The following FARP1 variants were observed in gnomAD, a reference collection of about 807,000 sequenced individuals.
FARP1 encodes the protein FERM, ARHGEF and pleckstrin domain-containing protein 1.
FARP1 carries 52 observed loss-of-function variants against 128.8 expected under a neutral mutation model. The ratio of observed to expected loss-of-function variants is 0.40; its 90% confidence interval spans 0.32 to 0.51. FARP1 has a LOEUF of 0.51. Ranked by LOEUF, FARP1 falls within the 20% of genes least tolerant of loss-of-function variation. The probability of loss-of-function intolerance (pLI) is 0.45; values close to 1 mark genes in which losing one functional copy is unlikely to be tolerated. For synonymous variants in FARP1, 580 were observed against 551.8 expected, an observed-to-expected ratio of 1.05 and a Z score of -0.72; for missense variants, 1,333 against 1,367.9, an observed-to-expected ratio of 0.97 and a Z score of 0.40.
intron 2 of FARP1, chr13:98,244,903 T>A: frequency 7.1e-7 from 1 of 1,402,782 alleles, no homozygotes; most frequent in South Asian, 1.6e-5. Flanking sequence ...CCTAAACGGG[T>A]CTCCAGGAGG....
Position 98,453,293 on chromosome 13 carries a change from T to C in FARP1, c.*4976T>C. Reference sequence around the variant, plus strand: ...ATTCATATAGTAACCAAAATCTTAGTTTTCATAAGAAATTCCAAGTCATAC... The same window carrying C: ...ATTCATATAGTAACCAAAATCTTAGCTTTCATAAGAAATTCCAAGTCATAC... On this transcript the variant is annotated 3_prime_UTR_variant, in exon 27 of 27. Transcript: ENST00000319562. The C allele has an allele frequency of 7.1e-7, 1 of 1,405,090 alleles. No individual in the cohort carries two copies. Among genetic ancestry groups the C allele is most frequent in the South Asian group, 1.3e-5 (1 of 78,838 alleles). 87.0% of individuals were successfully genotyped at this position (1,405,090 alleles called of 1,614,324 possible). A position where few individuals can be genotyped will look rare whatever the true frequency, so the allele number is the denominator to read the frequency against.
intron 2 of FARP1, among the ~76,000 whole-genome samples, chr13:98,271,866 T>A (rs561170305): frequency 1.3e-5 from 2 of 152,330 alleles, no homozygotes; most frequent in East Asian, 3.9e-4. Flanking sequence ...TCCAAATCTT[T>A]GCTATTGTAA....
At chr13:98,351,923 T>TCA (rs1242275136) in intron 3 of FARP1, among the ~76,000 whole-genome samples, 6 of 152,032 alleles carry the variant, frequency 3.9e-5, no homozygotes, top group Admixed American at 6.6e-5. Flanking sequence ...ACACTGGGAA[T>TCA]CACATTTCAA....
chr13:98,395,351 CGAG>C lies in FARP1; in HGVS notation c.1293_1295del (p.Arg432del), dbSNP rs1890483645. The C allele has an allele frequency of 2.5e-6, 4 of 1,611,652 alleles. No individual in the cohort carries two copies. Among genetic ancestry groups the C allele is most frequent in the South Asian group, 1.1e-5 (1 of 91,044 alleles). ...CCGGGGTCGCACCCGAGCCCTGCGC[CGAG>C]GAGAAGCCCCGCGGGTAACAAGCAG... is the stretch of plus-strand genomic sequence containing the variant. On this transcript the variant is annotated inframe_deletion, in exon 13 of 27. Transcript: ENST00000319562.
chr13:98,423,410 G>A lies in FARP1; in HGVS notation c.1827-1162G>A, dbSNP rs552237065. ...ACTTCCTATTAGAAGCCTAGTGCCA[G>A]TTTTGTTTGTTTGTTTGTTTGTTTG... On this transcript the variant is annotated intron_variant, in intron 16 of 26. Coordinates refer to ENST00000319562, the MANE Select transcript of FARP1 (RefSeq NM_005766.4). 5.6e-4 allele frequency among the ~76,000 whole-genome samples: 85 copies of A among 151,998 alleles called. 1 individual carries two copies. The South Asian group carries it at 9.7e-3, about 17-fold the overall frequency.
rs1320600694 is a variant in FARP1, at chr13:98,431,252, G to A, written c.2115G>A (p.Pro705=). ...AGCGGCTGTGCAAACACCACCCGCC[G>A]AGCCACGCCGACTTCAGGGACTGCC... ...VLERLCKHHP[P]SHADFRDCRA... The change falls in exon 18 of 27, where the codon CCG becomes CCA. Residue 705 remains proline (P), a synonymous_variant. Transcript: ENST00000319562. 2.5e-6 allele frequency: 4 copies of A among 1,589,264 alleles called. No homozygotes were observed. The highest frequency in any genetic ancestry group is 3.4e-6 in the Non-Finnish European group (4 of 1,168,630).
intron 4 of FARP1, 71 bp downstream of exon 4, chr13:98,365,508 T>A: frequency 8.8e-7 from 1 of 1,131,468 alleles, no homozygotes; most frequent in Non-Finnish European, 1.3e-6. Flanking sequence ...TAGACATCTC[T>A]TGCCCTGTGG....
At chr13:98,190,596 T>C (rs1879158177) in intron 1 of FARP1, among the ~76,000 whole-genome samples, 1 of 152,172 alleles carries the variant, frequency 6.6e-6, no homozygotes, top group Non-Finnish European at 1.5e-5. Flanking sequence ...AGGGTCTCGC[T>C]CTGTTACTGA....
At chr13:98,229,603 C>T (rs1239901203) in intron 2 of FARP1, among the ~76,000 whole-genome samples, 8 of 151,656 alleles carry the variant, frequency 5.3e-5, no homozygotes, top group African/African-American at 1.4e-4. Context: ...TGGGCTCAAG[C>T]GGTCCTCCCA....
intron 1 of FARP1, among the ~76,000 whole-genome samples, chr13:98,209,984 AAATAAT>A (rs199986456): frequency 6.6e-6 from 1 of 150,628 alleles, no homozygotes; most frequent in South Asian, 2.1e-4. Flanking sequence ...ATTCCATTGC[AAATAAT>A]AATAATAATC....
At chr13:98,236,033 A>G (rs1882395113) in intron 2 of FARP1, among the ~76,000 whole-genome samples, 1 of 152,144 alleles carries the variant, frequency 6.6e-6, no homozygotes, top group Non-Finnish European at 1.5e-5. Flanking sequence ...CATGTTTGTC[A>G]GGCTGGTCTC....
At chr13:98,215,929 G>A (rs759069465) in intron 2 of FARP1, among the ~76,000 whole-genome samples, 16 of 151,962 alleles carry the variant, frequency 1.1e-4, no homozygotes, top group African/African-American at 2.9e-4. Flanking sequence ...TAGCTGGTAC[G>A]ATAGGTGCCT....
At chr13:98,365,511 C>A in intron 4 of FARP1, 74 bp downstream of exon 4, 2 of 1,103,686 alleles carry the variant, frequency 1.8e-6, no homozygotes, top group South Asian at 1.5e-5. Flanking sequence ...ACATCTCTTG[C>A]CCTGTGGCAT....
At chr13:98,357,366 A>G (rs1474262019) in intron 3 of FARP1, among the ~76,000 whole-genome samples, 1 of 152,110 alleles carries the variant, frequency 6.6e-6, no homozygotes, top group Non-Finnish European at 1.5e-5. Flanking sequence ...CAGTTTTCTG[A>G]GAATGTATTG....
intron 3 of FARP1, among the ~76,000 whole-genome samples, chr13:98,356,380 G>T (rs1323163410): frequency 6.6e-6 from 1 of 152,034 alleles, no homozygotes; most frequent in Non-Finnish European, 1.5e-5. Context: ...GTAAGTATTT[G>T]TGTTTCTAAA....
Position 98,390,797 on chromosome 13 carries a change from T to G in FARP1, c.1020-15T>G. 1 of 1,603,376 alleles carries G rather than the reference T, an allele frequency of 6.2e-7. No homozygotes were observed. Among genetic ancestry groups the G allele is most frequent in the Admixed American group, 1.7e-5 (1 of 59,964 alleles). On this transcript the variant is annotated splice_polypyrimidine_tract_variant and intron_variant, in intron 10 of 26. Transcript: ENST00000319562. ...TTGGTATTTCTCCCCTTCCCTGTTG[T>G]GGTCTCTGTTTCAGTGGTCGGACTC...
intron 2 of FARP1, among the ~76,000 whole-genome samples, chr13:98,330,311 T>C (rs974054291): frequency 2.6e-5 from 4 of 151,828 alleles, no homozygotes; most frequent in African/African-American, 9.7e-5. Flanking sequence ...ACATTTTGAG[T>C]AGGGGAGTGA....
chr13:98,453,309 C>T lies in FARP1; in HGVS notation c.*4992C>T, dbSNP rs1225733980. ...AAATCTTAGTTTTCATAAGAAATTCCAAGTCATACAAAAATAAGTGGAGCA... is the reference window on the plus strand; with the variant it reads ...AAATCTTAGTTTTCATAAGAAATTCTAAGTCATACAAAAATAAGTGGAGCA... On this transcript the variant is annotated 3_prime_UTR_variant, in exon 27 of 27. Coordinates refer to ENST00000319562, the MANE Select transcript of FARP1 (RefSeq NM_005766.4). The T allele has an allele frequency of 5.1e-5, 63 of 1,234,036 alleles. No homozygotes were observed. Among genetic ancestry groups the T allele is most frequent in the Non-Finnish European group, 5.4e-5 (47 of 870,334 alleles). 76.4% of individuals were successfully genotyped at this position (1,234,036 alleles called of 1,614,324 possible). A position where few individuals can be genotyped will look rare whatever the true frequency, so the allele number is the denominator to read the frequency against.
chr13:98,356,235 A>G (rs1387123570), intron 3 of FARP1, among the ~76,000 whole-genome samples: 3 of 152,210 alleles, frequency 2.0e-5, no homozygotes, highest in East Asian at 3.8e-4. Flanking sequence ...AACGATGGCT[A>G]TATGTTCTGA....
Sources: allele counts gnomAD v4.1 joint callset (sites outside exome capture counted in the v4.1 genomes callset), GRCh38; gene constraint gnomAD v4.1.1; transcripts MANE v1.5; gene names NCBI Gene and HGNC (gene_info 2026-07-23, HGNC 2026-07-21).